Variants in DNM2 observed in about 807,000 individuals in gnomAD.
DNM2 encodes the protein dynamin-2.
A neutral mutation model predicts 99.0 loss-of-function variants in DNM2; 15 were observed. That is an observed-to-expected ratio of 0.15 (90% CI 0.10 to 0.23). DNM2 has a LOEUF of 0.23. DNM2 is among the 10% of genes least tolerant of loss of function. The pLI is 1.00. For missense variants in DNM2, 742 were observed against 1,189.4 expected, an observed-to-expected ratio of 0.62 and a Z score of 5.53; for synonymous variants, 525 against 481.2, an observed-to-expected ratio of 1.09 and a Z score of -1.19.
intron 1 of DNM2, among the ~76,000 whole-genome samples, chr19:10,737,432 T>G (rs2069570143): frequency 6.6e-6 from 1 of 152,094 alleles, no homozygotes; most frequent in African/African-American, 2.4e-5. Context: ...TTCCCCTGCT[T>G]AATTTTTCTT....
At chr19:10,783,692 TATTATTATTA>T (rs1568298529) in intron 6 of DNM2, among the ~76,000 whole-genome samples, 2 of 135,000 alleles carry the variant, frequency 1.5e-5, no homozygotes, top group African/African-American at 5.0e-5. Flanking sequence ...TTATTATTAT[TATTATTATTA>T]TTATTTTTTA....
At chr19:10,759,617 T>C in intron 1 of DNM2, 121 bp from the exon 2 acceptor site, 1 of 1,161,896 alleles carries the variant, frequency 8.6e-7, no homozygotes, top group Non-Finnish European at 1.3e-6. Flanking sequence ...CCAGCTGGGG[T>C]TGGTGCCTTT....
At position 10,772,505 on chromosome 19, in the gene DNM2, T is replaced by C; in HGVS notation, c.262T>C (p.Ser88Pro). The C allele has an allele frequency of 6.2e-7, 1 of 1,614,128 alleles. No individual in the cohort carries two copies. The highest frequency in any genetic ancestry group is 2.2e-5 in the East Asian group (1 of 44,882). Residue 88 changes from serine (S) to proline (P), a missense_variant, in exon 3 of 21, where the codon TCC (serine) becomes CCC (proline). Around this residue, in one of 7 missense-constraint regions of DNM2, gnomAD observed 192 missense variants for 358.9 expected, o/e 0.54. Transcript: ENST00000389253. The surrounding 1 kb of genome is among the most constrained non-coding windows in gnomAD (Gnocchi z 4.9). ...TEHAEFLHCK[S>P]KKFTDFDEVR... ...ACATGCCGAGTTTTTGCACTGCAAG[T>C]CCAAAAAGTTTACAGACTTTGATGA...
intron 5 of DNM2, among the ~76,000 whole-genome samples, chr19:10,782,000 G>T (rs1011727366): frequency 6.6e-5 from 10 of 151,938 alleles, no homozygotes; most frequent in African/African-American, 2.2e-4. Flanking sequence ...GTGGATTTTA[G>T]CTCTTCCCTA....
rs1364525518 is a variant in DNM2, at chr19:10,758,283, C to T, written c.162-1455C>T. ...CTTCCTTCCCTCCTTCCTTCCCTCC[C>T]TCCTTCCTTCCCTCCCTCCTTCCCT... On this transcript the variant is annotated intron_variant, in intron 1 of 20. Coordinates refer to ENST00000389253, the MANE Select transcript of DNM2 (RefSeq NM_001005361.3). 9.4e-4 allele frequency among the ~76,000 whole-genome samples: 124 copies of T among 131,856 alleles called. 2 individuals are homozygous for T. Among genetic ancestry groups the T allele is most frequent in the Middle Eastern group, 4.9e-3 (1 of 206 alleles). The allele number at this position is 131,856 out of a possible 152,430, so 86.5% of individuals were successfully genotyped here.
rs889101704 is a variant in DNM2 at position 10,811,902 on chromosome 19, C to T, written c.1558-362C>T. Reference sequence around the variant, plus strand: ...TCTGTGTGGATGCTACCCTTGGAACCTTATCTCACGCAAACAAGTGCAGTT... The same window carrying T: ...TCTGTGTGGATGCTACCCTTGGAACTTTATCTCACGCAAACAAGTGCAGTT... On this transcript the variant is annotated intron_variant, in intron 14 of 20. Transcript: ENST00000389253. The surrounding 1 kb of genome is among the most constrained non-coding windows in gnomAD (Gnocchi z 5.4). 4 of 465,170 alleles carry T rather than the reference C, an allele frequency of 8.6e-6. No homozygotes were observed. The highest frequency in any genetic ancestry group is 1.7e-5 in the Non-Finnish European group (4 of 232,230). The allele number at this position is 465,170 out of a possible 1,614,324, so 28.8% of individuals were successfully genotyped here.
intron 7 of DNM2, among the ~76,000 whole-genome samples, chr19:10,787,055 C>T (rs1189382154): frequency 6.6e-6 from 1 of 152,180 alleles, no homozygotes; most frequent in Non-Finnish European, 1.5e-5. Flanking sequence ...ATTGGCCGGC[C>T]AGGAGCGGTG....
chr19:10,731,487 G>T (rs2069315345), intron 1 of DNM2, among the ~76,000 whole-genome samples: 1 of 151,746 alleles, frequency 6.6e-6, no homozygotes, highest in Non-Finnish European at 1.5e-5. Context: ...TGAGTAGCTG[G>T]GATTACAGGT....
chr19:10,761,435 G>T (rs370145547), intron 2 of DNM2, among the ~76,000 whole-genome samples: 8 of 152,124 alleles, frequency 5.3e-5, no homozygotes, highest in African/African-American at 1.9e-4. Context: ...TGAGGTGGGC[G>T]TATATCCCAG....
intron 1 of DNM2, among the ~76,000 whole-genome samples, chr19:10,727,755 G>A (rs543971734): frequency 2.0e-5 from 3 of 152,212 alleles, no homozygotes; most frequent in East Asian, 1.9e-4. Flanking sequence ...CGCTCTCAGC[G>A]TTTATATTTG....
chr19:10,741,052 C>G (rs1465963310), intron 1 of DNM2, among the ~76,000 whole-genome samples: 1 of 152,068 alleles, frequency 6.6e-6, no homozygotes, highest in East Asian at 1.9e-4. Context: ...GTATTTTACT[C>G]TTGGGTGGAG....
chr19:10,811,867 A>T lies in DNM2; in HGVS notation c.1558-397A>T. On this transcript the variant is annotated intron_variant, in intron 14 of 20. Coordinates refer to ENST00000389253, the MANE Select transcript of DNM2 (RefSeq NM_001005361.3). The surrounding 1 kb of genome is among the most constrained non-coding windows in gnomAD (Gnocchi z 5.4). The stretch of plus-strand genomic sequence containing the variant: ...GAGGGCCCCTGGGCTCACACCTTTG[A>T]CCCTAGCCCTCTGTGTGGATGCTAC... 1 of 500,102 alleles carries T rather than the reference A, an allele frequency of 2.0e-6. No individual in the cohort carries two copies. Among genetic ancestry groups the T allele is most frequent in the Non-Finnish European group, 4.0e-6 (1 of 251,368 alleles). 31.0% of individuals were successfully genotyped at this position (500,102 alleles called of 1,614,324 possible).
At chr19:10,767,091 C>T (rs898439580) in intron 2 of DNM2, among the ~76,000 whole-genome samples, 1 of 152,002 alleles carries the variant, frequency 6.6e-6, no homozygotes, top group Non-Finnish European at 1.5e-5. Flanking sequence ...TGGCAGGGAC[C>T]GGGACAGGCA....
chr19:10,824,164 A>C, intron 17 of DNM2: 3 of 485,496 alleles, frequency 6.2e-6, no homozygotes, highest in Non-Finnish European at 7.6e-6. Flanking sequence ...TTCCCCTTCC[A>C]TCCTGAGGTA....
intron 2 of DNM2, chr19:10,769,346 C>T (rs1253249177): frequency 1.3e-5 from 2 of 152,296 alleles, no homozygotes; most frequent in African/African-American, 2.4e-5. Flanking sequence ...TCAATACAAT[C>T]CAAAGTGAGC....
intron 7 of DNM2, among the ~76,000 whole-genome samples, chr19:10,791,851 C>T (rs1421088964): frequency 3.3e-5 from 5 of 152,118 alleles, no homozygotes; most frequent in African/African-American, 1.2e-4. Flanking sequence ...TTTGGGAGGC[C>T]AAGGCGGGCG....
chr19:10,723,919 C>T (rs953163831), intron 1 of DNM2, among the ~76,000 whole-genome samples: 3 of 152,198 alleles, frequency 2.0e-5, no homozygotes, highest in African/African-American at 7.2e-5. Context: ...TAGACCCCGT[C>T]TCTACAAAAA....
intron 12 of DNM2, among the ~76,000 whole-genome samples, chr19:10,803,888 C>T (rs913120686): frequency 5.3e-5 from 8 of 152,092 alleles, no homozygotes; most frequent in Admixed American, 2.0e-4. Flanking sequence ...AGGTGGAGTC[C>T]TTAAACAAAT....
At position 10,830,560 on chromosome 19, in the gene DNM2, A is replaced by T; in HGVS notation, c.2543+182A>T. 3.9e-6 allele frequency: 3 copies of T among 762,770 alleles called. No homozygotes were observed. In the South Asian group the frequency reaches 5.5e-5, roughly 14 times the overall value. The allele number at this position is 762,770 out of a possible 1,614,324, so 47.3% of individuals were successfully genotyped here. On this transcript the variant is annotated intron_variant, in intron 20 of 20. Coordinates refer to ENST00000389253, the MANE Select transcript of DNM2 (RefSeq NM_001005361.3). The surrounding 1 kb of genome is among the most constrained non-coding windows in gnomAD (Gnocchi z 4.8). ...GAGGCCAAGAGGCTTGTTCAGTGTC[A>T]CAGAGTAGCGGAGCCCTGGTGACTC...
Sources: gnomAD v4.1 joint callset for allele counts (sites outside exome capture counted in the v4.1 genomes callset) on GRCh38, gnomAD v4.1.1 for gene constraint, gnomAD v4.1.1 regional missense constraint, Gnocchi (gnomAD v3.1) non-coding constraint, MANE v1.5 for transcripts, NCBI Gene and HGNC (gene_info 2026-07-23, HGNC 2026-07-21) for gene names.